Variants in ACBD5 observed in about 807,000 individuals in gnomAD.
ACBD5 encodes acyl-CoA binding domain containing 5.
In ACBD5, 40 loss-of-function variants were observed where a neutral mutation model predicts 71.8. The observed-to-expected ratio is 0.56, with a 90% CI of 0.43 to 0.72. ACBD5 has a LOEUF of 0.72. Among genes scored for constraint, ACBD5 ranks in the 30% least tolerant of loss-of-function variants. The pLI is 0.00. For missense variants in ACBD5, 559 were observed against 644.5 expected (o/e 0.87, Z 1.44); for synonymous variants, 229 against 218.6 (o/e 1.05, Z -0.42).
At chr10:27,217,405 G>C (rs368537352) in intron 7 of ACBD5, among the ~76,000 whole-genome samples, 2 of 149,616 alleles carry the variant, frequency 1.3e-5, no homozygotes, top group Non-Finnish European at 3.0e-5. Context: ...GCAGTGAGCC[G>C]AGATTGCGCC....
At chr10:27,217,455 CAA>C (rs34616799) in intron 7 of ACBD5, among the ~76,000 whole-genome samples, 9,980 of 115,496 alleles carry the variant, frequency 0.086, 629 homozygotes, top group African/African-American at 0.21. Context: ...GACACCATCT[CAA>C]AAAAAAAAAA....
intron 7 of ACBD5, among the ~76,000 whole-genome samples, chr10:27,217,731 A>G (rs1175571692): frequency 6.6e-6 from 1 of 151,998 alleles, no homozygotes; most frequent in Non-Finnish European, 1.5e-5. Context: ...AGAATTGCCC[A>G]GGAGTTCAAG....
At chr10:27,231,854 G>A (rs2063909919) in intron 3 of ACBD5, 34 bp from the exon 4 acceptor site, 1 of 1,586,990 alleles carries the variant, frequency 6.3e-7, no homozygotes, top group Non-Finnish European at 8.6e-7. Context: ...ATGACAAAGA[G>A]ACATCTGATT....
chr10:27,225,602 A>G (rs1239783216), intron 4 of ACBD5, among the ~76,000 whole-genome samples: 1 of 152,234 alleles, frequency 6.6e-6, no homozygotes, highest in Non-Finnish European at 1.5e-5. Flanking sequence ...AACATTTGTT[A>G]TGAGGCTAGG....
downstream of ACBD5, among the ~76,000 whole-genome samples, chr10:27,191,931 C>T (rs1435659550): frequency 3.3e-5 from 5 of 151,938 alleles, no homozygotes; most frequent in East Asian, 3.9e-4. Flanking sequence ...AACCTAACAA[C>T]GCATCTTAAC....
chr10:27,196,359 G>A lies in ACBD5; in HGVS notation c.*1071C>T, dbSNP rs1465614723. 1 of 454,182 alleles carries A rather than the reference G, an allele frequency of 2.2e-6. No individual in the cohort carries two copies. The highest frequency in any genetic ancestry group is 1.6e-5 in the South Asian group (1 of 64,468). 28.1% of individuals were successfully genotyped at this position (454,182 alleles called of 1,614,324 possible). A position where few individuals can be genotyped will look rare whatever the true frequency, so the allele number is the denominator to read the frequency against. ...GTCTAGATGAGAGAGGTGGGGAAGA[G>A]GGACTTAAATTTCTGTTAGCTGGGC... On this transcript the variant is annotated 3_prime_UTR_variant, in exon 13 of 13. Coordinates refer to ENST00000396271, the MANE Select transcript of ACBD5 (RefSeq NM_145698.5).
At chr10:27,218,221 C>T (rs2061893962) in intron 6 of ACBD5, 38 bp from the exon 7 acceptor site, 1 of 1,495,332 alleles carries the variant, frequency 6.7e-7, no homozygotes, top group Non-Finnish European at 9.3e-7. Context: ...TAAAAGTTCA[C>T]AGTAGGTCAC....
At chr10:27,197,488 A>G in intron 12 of ACBD5, 46 bp from the exon 13 acceptor site, 2 of 1,407,662 alleles carry the variant, frequency 1.4e-6, no homozygotes, top group Non-Finnish European at 1.0e-6. Context: ...TATGAATGCA[A>G]ATAATTCTCT....
chr10:27,214,237 T>C (rs542457357), intron 8 of ACBD5, among the ~76,000 whole-genome samples: 7 of 152,256 alleles, frequency 4.6e-5, no homozygotes, highest in South Asian at 4.1e-4. Context: ...GGGAGTACAA[T>C]TGGAATGTTT....
upstream of ACBD5, among the ~76,000 whole-genome samples, chr10:27,241,894 A>G (rs1393760665): frequency 6.6e-6 from 1 of 151,960 alleles, no homozygotes; most frequent in Non-Finnish European, 1.5e-5. Context: ...GGTGGGACTG[A>G]CTAGGTTGTG....
chr10:27,218,619 T>C (rs2061946216), intron 6 of ACBD5, among the ~76,000 whole-genome samples: 1 of 151,000 alleles, frequency 6.6e-6, no homozygotes, highest in Admixed American at 6.6e-5. Flanking sequence ...AAAGTCTCGC[T>C]CTGTCACCCA....
Position 27,195,699 on chromosome 10 carries a change from C to T in ACBD5, c.*1731G>A, listed in dbSNP as rs568865935. 61 of 421,968 alleles carry T rather than the reference C, an allele frequency of 1.4e-4. 1 individual carries two copies. Among genetic ancestry groups the T allele is most frequent in the South Asian group, 1.0e-3 (58 of 57,504 alleles). The allele number at this position is 421,968 out of a possible 1,614,324, so 26.1% of individuals were successfully genotyped here. ...ATAGTAGTAGATCCCTTTAGACAGA[C>T]ATATTTTAATCAGTATGGGATTAAA... On this transcript the variant is annotated 3_prime_UTR_variant, in exon 13 of 13. Coordinates refer to ENST00000396271, the MANE Select transcript of ACBD5 (RefSeq NM_145698.5).
At chr10:27,222,599 C>G (rs755706668) in intron 5 of ACBD5, among the ~76,000 whole-genome samples, 7 of 152,122 alleles carry the variant, frequency 4.6e-5, no homozygotes, top group Non-Finnish European at 8.8e-5. Flanking sequence ...GAGACAGCAT[C>G]TCACTCTGTT....
In ACBD5 at chr10:27,240,763, A is replaced by G. The variant is rs1377019287; in HGVS notation, c.-75T>C. On this transcript the variant is annotated 5_prime_UTR_variant, in exon 1 of 13. Transcript: ENST00000396271. The surrounding 1 kb of genome is among the most constrained non-coding windows in gnomAD (Gnocchi z 4.1). ...TCTCCCACCCTGGGGACCCTGGCGG[A>G]GCAGCCACACCCCCCATTCCGCCGG... 2 of 1,546,038 alleles carry G rather than the reference A, an allele frequency of 1.3e-6. No homozygotes were observed. Among genetic ancestry groups the G allele is most frequent in the Admixed American group, 2.0e-5 (1 of 50,956 alleles).
chr10:27,184,956 G>A (rs576186314), intron 13 of ACBD5, among the ~76,000 whole-genome samples: 1 of 152,254 alleles, frequency 6.6e-6, no homozygotes, highest in East Asian at 1.9e-4. Context: ...TTGAAATCTT[G>A]TAAGCAGAGC....
At chr10:27,199,004 G>C (rs939585418) in intron 12 of ACBD5, among the ~76,000 whole-genome samples, 1 of 151,850 alleles carries the variant, frequency 6.6e-6, no homozygotes, top group African/African-American at 2.4e-5. Flanking sequence ...AGCTACTTGG[G>C]AGGCTGAGGC....
At chr10:27,199,168 G>A (rs1170388090) in intron 12 of ACBD5, among the ~76,000 whole-genome samples, 1 of 151,166 alleles carries the variant, frequency 6.6e-6, no homozygotes. Flanking sequence ...CAGAAAATTT[G>A]GTCTCGATGA....
In ACBD5 at chr10:27,186,424, T is replaced by C. The variant is rs375733380; in HGVS notation, c.1494-3709A>G. 5.6e-6 allele frequency: 9 copies of C among 1,614,068 alleles called. No homozygotes were observed. In the South Asian group the frequency reaches 8.8e-5, roughly 16 times the overall value. ...TTCAGTGATGTGGACTGGGAAAATC[T>C]GCAGCATCAGACTATGCCTTTCATC... On this transcript the variant is annotated intron_variant, in intron 13 of 13. Coordinates refer to the ACBD5 transcript ENST00000676511.
intron 13 of ACBD5, among the ~76,000 whole-genome samples, chr10:27,186,184 A>G (rs1379559209): frequency 2.0e-5 from 3 of 152,228 alleles, no homozygotes; most frequent in African/African-American, 7.2e-5. Flanking sequence ...TCATATGCCA[A>G]GTGATATTCA....
Sources: gnomAD v4.1 joint callset for allele counts (sites outside exome capture counted in the v4.1 genomes callset) on GRCh38, gnomAD v4.1.1 for gene constraint, Gnocchi (gnomAD v3.1) non-coding constraint, MANE v1.5 for transcripts, NCBI Gene and HGNC (gene_info 2026-07-23, HGNC 2026-07-21) for gene names.